Variants in MYO16 observed in about 807,000 individuals in gnomAD.
MYO16 encodes unconventional myosin-XVI.
A neutral mutation model predicts 205.3 loss-of-function variants in MYO16; 94 were observed. The ratio of observed to expected loss-of-function variants is 0.46; its 90% confidence interval spans 0.39 to 0.54. MYO16 has a LOEUF of 0.54. Ranked by LOEUF, MYO16 falls within the 20% of genes least tolerant of loss-of-function variation. The pLI, the probability that MYO16 is intolerant of heterozygous loss-of-function variation, is 0.00. For missense variants in MYO16, 2,315 were observed against 2,387.5 expected (o/e 0.97, Z 0.63); for synonymous variants, 988 against 954.0 (o/e 1.04, Z -0.66).
intron 14 of MYO16, among the ~76,000 whole-genome samples, 177 bp from the exon 15 acceptor site, chr13:108,897,839 G>A (rs759386340): frequency 7.2e-5 from 11 of 152,122 alleles, no homozygotes; most frequent in Non-Finnish European, 1.3e-4. Flanking sequence ...TTGAGACATA[G>A]GATGCTAGTG....
intron 16 of MYO16, among the ~76,000 whole-genome samples, chr13:108,917,007 A>T (rs1464100040): frequency 6.6e-6 from 1 of 151,568 alleles, no homozygotes; most frequent in Non-Finnish European, 1.5e-5. Flanking sequence ...AGCGGAGGTT[A>T]TGTTTGCCCC....
In MYO16 at chr13:108,855,425, CT is replaced by C; in HGVS notation, c.1249-15del. On this transcript the variant is annotated splice_polypyrimidine_tract_variant and intron_variant, in intron 10 of 34. Transcript: ENST00000457511. ...TGGAAAGCAATTAGAATTGATCATA[CT>C]TTCGGTTCTTCCCCAGGTCAAGCTA... 1 of 1,488,432 alleles carries C rather than the reference CT, an allele frequency of 6.7e-7. No homozygotes were observed. Among genetic ancestry groups the C allele is most frequent in the Non-Finnish European group, 9.2e-7 (1 of 1,084,038 alleles). The allele number at this position is 1,488,432 out of a possible 1,614,324, so 92.2% of individuals were successfully genotyped here.
intron 3 of MYO16, 75 bp downstream of exon 3, chr13:108,712,806 A>G (rs1407849160): frequency 1.8e-6 from 2 of 1,090,710 alleles, no homozygotes; most frequent in East Asian, 5.1e-5. Flanking sequence ...AAACCCAGGA[A>G]CGAAATGTAC....
the MYO16 span, among the ~76,000 whole-genome samples, chr13:108,534,860 CCTCCTTCTT>C: frequency 6.7e-6 from 1 of 148,730 alleles, no homozygotes; most frequent in Admixed American, 6.7e-5. Context: ...TCCTCTTCCT[CCTCCTTCTT>C]CTCCTTCTTC....
intron 9 of MYO16, among the ~76,000 whole-genome samples, chr13:108,836,415 A>C (rs887849348): frequency 6.6e-6 from 1 of 152,220 alleles, no homozygotes; most frequent in Non-Finnish European, 1.5e-5. Flanking sequence ...CTGCTAGGGC[A>C]GTGTGGAAGG....
chr13:108,643,999 A>G lies in MYO16; in HGVS notation c.28+14127A>G, dbSNP rs577296067. 9.2e-5 allele frequency among the ~76,000 whole-genome samples: 14 copies of G among 152,302 alleles called. No individual in the cohort carries two copies. In the South Asian group the frequency reaches 2.7e-3, roughly 29 times the overall value. Reference sequence around the variant, plus strand: ...ACCATTCTACTTTCAAAAAATCTCAACTGGGCAAGTTCAACACAGAATATT... The same window carrying G: ...ACCATTCTACTTTCAAAAAATCTCAGCTGGGCAAGTTCAACACAGAATATT... On this transcript the variant is annotated intron_variant, in intron 1 of 34. Coordinates refer to ENST00000457511, the MANE Select transcript of MYO16 (RefSeq NM_001198950.3).
At chr13:108,516,988 C>T in the MYO16 span, among the ~76,000 whole-genome samples, 13 of 152,036 alleles carry the variant, frequency 8.6e-5, no homozygotes, top group African/African-American at 2.2e-4. Context: ...TGTAGTGCAG[C>T]GGTGTAATTG....
At position 108,854,016 on chromosome 13, in the gene MYO16, C is replaced by T. The variant is rs553084355; in HGVS notation, c.1249-1427C>T. Among the ~76,000 whole-genome samples the T allele has an allele frequency of 1.0e-3, 149 of 142,374 alleles. 1 individual carries two copies. Among genetic ancestry groups the T allele is most frequent in the Non-Finnish European group, 6.3e-4 (41 of 65,594 alleles). The allele number at this position is 142,374 out of a possible 152,430, so 93.4% of individuals were successfully genotyped here. A position where few individuals can be genotyped will look rare whatever the true frequency, so the allele number is the denominator to read the frequency against. On this transcript the variant is annotated intron_variant, in intron 10 of 34. Transcript: ENST00000457511. The stretch of plus-strand genomic sequence containing the variant: ...TTTGTTTGTTTGTTTGCTTTTGAGA[C>T]GGAGTCTTGCTCTGTTGTCCAGGCT...
At chr13:109,045,311 C>G (rs570093328) in intron 23 of MYO16, among the ~76,000 whole-genome samples, 2 of 152,176 alleles carry the variant, frequency 1.3e-5, no homozygotes, top group East Asian at 3.9e-4. Flanking sequence ...ACTATCACCC[C>G]CAGTTGTGAC....
intron 1 of MYO16, among the ~76,000 whole-genome samples, chr13:108,613,458 A>G (rs1879246607): frequency 6.6e-6 from 1 of 152,100 alleles, no homozygotes. Context: ...GTAAGAAGCC[A>G]CCTTCAAAAC....
At chr13:108,888,827 T>C (rs1880028560) in intron 14 of MYO16, among the ~76,000 whole-genome samples, 1 of 152,030 alleles carries the variant, frequency 6.6e-6, no homozygotes, top group African/African-American at 2.4e-5. Context: ...GGCCGAGGCA[T>C]GTGAATCACC....
At chr13:108,848,154 AT>A (rs1450138630) in intron 10 of MYO16, among the ~76,000 whole-genome samples, 1 of 152,070 alleles carries the variant, frequency 6.6e-6, no homozygotes, top group African/African-American at 2.4e-5. Flanking sequence ...TGGATGTATT[AT>A]TTGTACTATC....
intron 23 of MYO16, among the ~76,000 whole-genome samples, chr13:109,041,619 C>T (rs1886887408): frequency 6.6e-6 from 1 of 152,054 alleles, no homozygotes; most frequent in South Asian, 2.1e-4. Flanking sequence ...TGTAAATATT[C>T]TATATTTTCA....
intron 16 of MYO16, among the ~76,000 whole-genome samples, chr13:108,955,636 C>T (rs557521992): frequency 5.9e-4 from 90 of 152,236 alleles, no homozygotes; most frequent in African/African-American, 2.0e-3. Flanking sequence ...GGGTGGATCA[C>T]GAGGTAAGGA....
chr13:109,018,100 G>T (rs1396923030), intron 22 of MYO16, among the ~76,000 whole-genome samples: 1 of 152,146 alleles, frequency 6.6e-6, no homozygotes, highest in African/African-American at 2.4e-5. Flanking sequence ...CATCTTTGTG[G>T]TTTTATCTAC....
chr13:108,953,695 G>A (rs963814639), intron 16 of MYO16, among the ~76,000 whole-genome samples: 2 of 151,498 alleles, frequency 1.3e-5, no homozygotes, highest in Non-Finnish European at 2.9e-5. Flanking sequence ...ATGGAGTGAT[G>A]TCAAAGGGAA....
the MYO16 span, among the ~76,000 whole-genome samples, chr13:108,550,029 T>C: frequency 6.6e-6 from 1 of 152,248 alleles, no homozygotes; most frequent in African/African-American, 2.4e-5. Flanking sequence ...TTCATCTCCA[T>C]AATGTTGATA....
At chr13:109,148,691 A>C (rs532232984) in intron 32 of MYO16, among the ~76,000 whole-genome samples, 5 of 152,188 alleles carry the variant, frequency 3.3e-5, no homozygotes, top group Non-Finnish European at 7.3e-5. Flanking sequence ...GCTTTATCGG[A>C]TCCTCCCAAA....
At chr13:108,962,740 A>G (rs529641250) in intron 19 of MYO16, among the ~76,000 whole-genome samples, 31 of 152,308 alleles carry the variant, frequency 2.0e-4, no homozygotes, top group African/African-American at 7.5e-4. Flanking sequence ...AAACAAAACC[A>G]TCAATCCAAG....
Sources: allele counts gnomAD v4.1 joint callset (sites outside exome capture counted in the v4.1 genomes callset), GRCh38; gene constraint gnomAD v4.1.1; transcripts MANE v1.5; gene names NCBI Gene and HGNC (gene_info 2026-07-23, HGNC 2026-07-21).